CTXND2: variants seen among roughly 807,000 people sequenced by gnomAD.
The protein encoded by CTXND2 is cortexin domain containing 2.
intron 1 of CTXND2, among the ~76,000 whole-genome samples, chr1:150,905,488 G>A (rs1477175809): frequency 6.6e-6 from 1 of 152,046 alleles, no homozygotes; most frequent in Non-Finnish European, 1.5e-5. Flanking sequence ...GAGTCCAGGG[G>A]GTGGCATGAA....
intron 1 of CTXND2, among the ~76,000 whole-genome samples, chr1:150,902,463 G>T (rs1434285672): frequency 6.6e-6 from 1 of 152,072 alleles, no homozygotes; most frequent in Non-Finnish European, 1.5e-5. Flanking sequence ...AGCTACTTGG[G>T]AGGCTAAGGC....
chr1:150,903,198 A>G (rs1055279864), intron 1 of CTXND2, among the ~76,000 whole-genome samples: 1 of 152,118 alleles, frequency 6.6e-6, no homozygotes, highest in African/African-American at 2.4e-5. Context: ...TCATTCTGTA[A>G]CAACAACATA....
At chr1:150,894,150 C>T (rs587751782) in intron 1 of CTXND2, among the ~76,000 whole-genome samples, 4 of 152,116 alleles carry the variant, frequency 2.6e-5, no homozygotes, top group Admixed American at 2.6e-4. Flanking sequence ...TTAAATGTCA[C>T]TTACAGGTTT....
At chr1:150,898,535 A>T (rs951066237) in intron 1 of CTXND2, among the ~76,000 whole-genome samples, 1 of 152,042 alleles carries the variant, frequency 6.6e-6, no homozygotes, top group South Asian at 2.1e-4. Context: ...AGGCGGGCGG[A>T]TCACAAGGTC....
At chr1:150,912,119 C>T (rs1234337541) in intron 1 of CTXND2, 123 bp from the exon 2 acceptor site, 17 of 384,386 alleles carry the variant, frequency 4.4e-5, no homozygotes, top group Non-Finnish European at 7.3e-5. Context: ...TTTGTAACTG[C>T]TTCTTAAGTA....
chr1:150,908,768 A>G (rs1438366427), intron 1 of CTXND2, among the ~76,000 whole-genome samples: 2 of 150,228 alleles, frequency 1.3e-5, no homozygotes, highest in African/African-American at 2.4e-5. Context: ...GACCACACAC[A>G]TATGCCACAC....
intron 1 of CTXND2, among the ~76,000 whole-genome samples, chr1:150,898,811 C>T (rs1341436725): frequency 6.7e-6 from 1 of 149,416 alleles, no homozygotes; most frequent in African/African-American, 2.5e-5. Context: ...GGCACGGTGG[C>T]TCACGCCTGC....
chr1:150,909,128 C>T (rs1669203671), intron 1 of CTXND2, among the ~76,000 whole-genome samples: 1 of 150,482 alleles, frequency 6.6e-6, no homozygotes, highest in African/African-American at 2.4e-5. Context: ...ATCCCAGCTA[C>T]TCGGGAGGGT....
chr1:150,892,515 T>C (rs990709885), intron 1 of CTXND2, among the ~76,000 whole-genome samples: 3 of 137,420 alleles, frequency 2.2e-5, no homozygotes, highest in Non-Finnish European at 4.6e-5. Flanking sequence ...CAGAATGTCT[T>C]ATTCTTCTTC....
At chr1:150,912,142 A>AT (rs1669267563) in intron 1 of CTXND2, 100 bp from the exon 2 acceptor site, 4 of 393,954 alleles carry the variant, frequency 1.0e-5, no homozygotes, top group African/African-American at 6.2e-5. Flanking sequence ...TCTTACTGAT[A>AT]TTTTTTCAAC....
chr1:150,909,142 G>T (rs1669204009), intron 1 of CTXND2, among the ~76,000 whole-genome samples: 1 of 150,844 alleles, frequency 6.6e-6, no homozygotes, highest in Admixed American at 6.6e-5. Flanking sequence ...GGAGGGTGAG[G>T]CAGGAGAATC....
intron 1 of CTXND2, among the ~76,000 whole-genome samples, chr1:150,895,890 A>G (rs1487484645): frequency 6.6e-6 from 1 of 152,184 alleles, no homozygotes; most frequent in Non-Finnish European, 1.5e-5. Context: ...GCTCGGCAAC[A>G]GCAGTGTCTG....
intron 1 of CTXND2, among the ~76,000 whole-genome samples, chr1:150,888,245 A>G (rs1241157): frequency 6.9e-6 from 1 of 145,616 alleles, no homozygotes; most frequent in South Asian, 2.2e-4. Context: ...AGACAGTCTC[A>G]CTCTGCCGCC....
chr1:150,906,498 C>A (rs1669149031), intron 1 of CTXND2, among the ~76,000 whole-genome samples: 1 of 152,174 alleles, frequency 6.6e-6, no homozygotes, highest in Admixed American at 6.6e-5. Context: ...AGACTAACAG[C>A]ATTTCATTCC....
intron 1 of CTXND2, among the ~76,000 whole-genome samples, chr1:150,909,473 A>G (rs1669211752): frequency 6.6e-6 from 1 of 151,856 alleles, no homozygotes; most frequent in Admixed American, 6.6e-5. Context: ...GGGAGGATCA[A>G]TTTAGCCTGG....
chr1:150,904,229 T>G, intron 1 of CTXND2: 1 of 593,398 alleles, frequency 1.7e-6, no homozygotes, highest in Non-Finnish European at 3.1e-6. Flanking sequence ...GGCCACTGCC[T>G]TATTTATTAC....
At chr1:150,889,129 T>C (rs917411208) in intron 1 of CTXND2, among the ~76,000 whole-genome samples, 4 of 152,002 alleles carry the variant, frequency 2.6e-5, no homozygotes, top group Non-Finnish European at 5.9e-5. Flanking sequence ...CTGCCACTCC[T>C]CTGGGTGCAG....
At chr1:150,909,786 AAAG>A (rs1669217395) in intron 1 of CTXND2, among the ~76,000 whole-genome samples, 2 of 152,194 alleles carry the variant, frequency 1.3e-5, no homozygotes, top group Admixed American at 1.3e-4. Flanking sequence ...AGGTATTGCC[AAAG>A]AAGAAGGCTT....
At chr1:150,909,300 C>G (rs1186565738) in intron 1 of CTXND2, among the ~76,000 whole-genome samples, 1 of 147,420 alleles carries the variant, frequency 6.8e-6, no homozygotes, top group Non-Finnish European at 1.5e-5. Flanking sequence ...ACAATCCTAA[C>G]ACTTTGGGAG....
Sources: allele counts gnomAD v4.1 joint callset (sites outside exome capture counted in the v4.1 genomes callset), GRCh38; gene constraint gnomAD v4.1.1; transcripts MANE v1.5; gene names NCBI Gene and HGNC (gene_info 2026-07-23, HGNC 2026-07-21).